Variants in FAM76A observed in about 807,000 individuals in gnomAD.
The protein encoded by FAM76A is protein FAM76A.
FAM76A carries 32 observed loss-of-function variants against 46.2 expected under a neutral mutation model. That is an observed-to-expected ratio of 0.69 (90% CI 0.52 to 0.93). FAM76A has a LOEUF of 0.93. Among genes scored for constraint, FAM76A ranks in the 40% least tolerant of loss-of-function variants. The probability of loss-of-function intolerance (pLI) is 0.00; values close to 1 mark genes in which losing one functional copy is unlikely to be tolerated. For synonymous variants in FAM76A, 137 were observed against 127.0 expected (o/e 1.08, Z -0.53); for missense variants, 274 against 361.5 (o/e 0.76, Z 1.96).
At chr1:27,754,867 A>C (rs1254555949) in intron 6 of FAM76A, among the ~76,000 whole-genome samples, 1 of 152,254 alleles carries the variant, frequency 6.6e-6, no homozygotes. Context: ...TGGTTTTTCT[A>C]GTACATCACT....
intron 3 of FAM76A, among the ~76,000 whole-genome samples, chr1:27,733,828 CA>C: frequency 6.6e-6 from 1 of 151,614 alleles, no homozygotes; most frequent in Non-Finnish European, 1.5e-5. Context: ...CCAGCCTGGG[CA>C]ACAGAGCGAG....
rs1055634818 is a variant in FAM76A at position 27,762,496 on chromosome 1, C to T, written c.*1915C>T. 23 of 152,146 alleles carry T rather than the reference C, an allele frequency of 1.5e-4. No individual in the cohort carries two copies. The highest frequency in any genetic ancestry group is 5.3e-4 in the African/African-American group (22 of 41,426). The allele number at this position is 152,146 out of a possible 1,614,324, so 9.4% of individuals were successfully genotyped here. ...ATGCTCTATAATTTGTGATAGCATT[C>T]TCATAAATGGAGTCCTACACATAAT... is the stretch of plus-strand genomic sequence containing the variant. On this transcript the variant is annotated 3_prime_UTR_variant, in exon 9 of 9. Coordinates refer to ENST00000373954, the MANE Select transcript of FAM76A (RefSeq NM_152660.3).
rs1252675462 is a variant in FAM76A, at chr1:27,728,774, T to C, written c.146+1238T>C. Among the ~76,000 whole-genome samples, 5 of 152,110 alleles carry C rather than the reference T, an allele frequency of 3.3e-5. No homozygotes were observed. In the South Asian group the frequency reaches 6.2e-4, roughly 19 times the overall value. ...GTCAGAAGTTCGAGACCAGCCTGGC[T>C]AACATGACGAAACCCAGTCTCTACT... On this transcript the variant is annotated intron_variant, in intron 2 of 8. Coordinates refer to ENST00000373954, the MANE Select transcript of FAM76A (RefSeq NM_152660.3).
At chr1:27,737,275 T>C (rs562415751) in intron 4 of FAM76A, among the ~76,000 whole-genome samples, 2 of 152,288 alleles carry the variant, frequency 1.3e-5, no homozygotes, top group South Asian at 4.1e-4. Context: ...AAGTTTATTT[T>C]TAAGAGACAG....
chr1:27,753,109 G>T (rs2088357060), intron 6 of FAM76A, among the ~76,000 whole-genome samples: 1 of 152,152 alleles, frequency 6.6e-6, no homozygotes, highest in Admixed American at 6.6e-5. Flanking sequence ...GTGGTGAGCT[G>T]GAGGTTGTGG....
chr1:27,739,603 A>G (rs2088115984), intron 4 of FAM76A, among the ~76,000 whole-genome samples: 1 of 152,116 alleles, frequency 6.6e-6, no homozygotes, highest in African/African-American at 2.4e-5. Context: ...CCTGGACAAC[A>G]TGGCAAAAGC....
intron 4 of FAM76A, among the ~76,000 whole-genome samples, chr1:27,734,828 A>G (rs1166681500): frequency 1.3e-5 from 2 of 152,194 alleles, no homozygotes; most frequent in African/African-American, 4.8e-5. Context: ...AAATGTTTCT[A>G]TCTGTTGGCT....
At chr1:27,726,190 C>G in intron 1 of FAM76A, 29 bp downstream of exon 1, 1 of 1,265,590 alleles carries the variant, frequency 7.9e-7, no homozygotes, top group Non-Finnish European at 9.9e-7. Flanking sequence ...CGGCCGGGAA[C>G]TGGGGACGCA....
chr1:27,739,265 C>T (rs2088109596), intron 4 of FAM76A: 3 of 513,834 alleles, frequency 5.8e-6, no homozygotes, highest in Non-Finnish European at 1.2e-5. Flanking sequence ...GATGTGTGTT[C>T]GCCTACTGCC....
Position 27,727,464 on chromosome 1 carries a change from C to G in FAM76A, c.82-8C>G. The G allele has an allele frequency of 6.2e-7, 1 of 1,612,736 alleles. No homozygotes were observed. The highest frequency in any genetic ancestry group is 1.1e-5 in the South Asian group (1 of 91,032). ...GCCTTTTAAAATTATATCCTCATTT[C>G]ATTTCAGGAATGTCGGATTGCACAC... On this transcript the variant is annotated splice_region_variant and splice_polypyrimidine_tract_variant and intron_variant, in intron 1 of 8. Coordinates refer to ENST00000373954, the MANE Select transcript of FAM76A (RefSeq NM_152660.3).
chr1:27,743,373 C>T (rs958792502), intron 4 of FAM76A, among the ~76,000 whole-genome samples: 4 of 152,110 alleles, frequency 2.6e-5, no homozygotes, highest in Non-Finnish European at 5.9e-5. Context: ...CGAGTAGTTT[C>T]GAACTCTTGG....
intron 4 of FAM76A, chr1:27,740,056 T>A: frequency 2.5e-6 from 1 of 404,282 alleles, no homozygotes; most frequent in South Asian, 2.2e-5. Flanking sequence ...CACCTGGATG[T>A]CATGGATGGG....
chr1:27,754,644 C>T (rs1435708077), intron 6 of FAM76A, among the ~76,000 whole-genome samples: 1 of 152,078 alleles, frequency 6.6e-6, no homozygotes, highest in African/African-American at 2.4e-5. Flanking sequence ...GGCTTCATTC[C>T]TGTTTCATCT....
At chr1:27,731,877 A>G (rs1451256626) in intron 2 of FAM76A, among the ~76,000 whole-genome samples, 1 of 152,140 alleles carries the variant, frequency 6.6e-6, no homozygotes, top group African/African-American at 2.4e-5. Flanking sequence ...GCTGGAGTGC[A>G]GTGGTGAGGT....
At chr1:27,741,860 G>C (rs1308161795) in intron 4 of FAM76A, among the ~76,000 whole-genome samples, 3 of 148,620 alleles carry the variant, frequency 2.0e-5, no homozygotes, top group Non-Finnish European at 4.4e-5. Context: ...TCCAGCCTGG[G>C]TGACAAAGTG....
chr1:27,759,407 T>C (rs2088466300), intron 7 of FAM76A, 119 bp from the exon 8 acceptor site: 1 of 591,192 alleles, frequency 1.7e-6, no homozygotes, highest in African/African-American at 1.9e-5. Context: ...TTGATTTAGA[T>C]ACGGATCTGC....
At chr1:27,750,973 G>A (rs943628771) in intron 6 of FAM76A, among the ~76,000 whole-genome samples, 1 of 152,136 alleles carries the variant, frequency 6.6e-6, no homozygotes, top group Non-Finnish European at 1.5e-5. Context: ...GACCAGCCTG[G>A]GCAATATGAT....
chr1:27,757,701 G>T (rs1382508659), intron 7 of FAM76A, among the ~76,000 whole-genome samples: 1 of 152,020 alleles, frequency 6.6e-6, no homozygotes, highest in Non-Finnish European at 1.5e-5. Context: ...TTGAGGCCGG[G>T]CTTGGTGGCT....
At chr1:27,745,784 G>A (rs1251839128) in intron 5 of FAM76A, among the ~76,000 whole-genome samples, 1 of 152,192 alleles carries the variant, frequency 6.6e-6, no homozygotes, top group Non-Finnish European at 1.5e-5. Flanking sequence ...ATGGGCAGAG[G>A]CATTCTAGGC....
Sources: allele counts gnomAD v4.1 joint callset (sites outside exome capture counted in the v4.1 genomes callset), GRCh38; gene constraint gnomAD v4.1.1; transcripts MANE v1.5; gene names NCBI Gene and HGNC (gene_info 2026-07-23, HGNC 2026-07-21).